Variants in PTPRD observed in about 807,000 individuals in gnomAD.
PTPRD encodes protein tyrosine phosphatase receptor type D.
Under a neutral mutation model 214.5 loss-of-function variants are expected in PTPRD, and 34 were observed. The observed-to-expected ratio is 0.16, with a 90% CI of 0.12 to 0.21. The LOEUF (loss-of-function observed/expected upper bound fraction) is 0.21. Among genes scored for constraint, PTPRD ranks in the 10% least tolerant of loss-of-function variants. PTPRD has a pLI of 1.00. For synonymous variants in PTPRD, 1,128 were observed against 845.7 expected, an observed-to-expected ratio of 1.33 and a Z score of -5.79; for missense variants, 2,545 against 2,398.7, an observed-to-expected ratio of 1.06 and a Z score of -1.27.
intron 9 of PTPRD, among the ~76,000 whole-genome samples, chr9:9,333,460 A>T (rs1224576004): frequency 1.4e-5 from 2 of 144,490 alleles, no homozygotes; most frequent in Non-Finnish European, 3.0e-5. Flanking sequence ...ACTTGGAAAC[A>T]ATGATATATA....
At chr9:9,976,413 G>A (rs2095353028) in intron 4 of PTPRD, among the ~76,000 whole-genome samples, 1 of 151,528 alleles carries the variant, frequency 6.6e-6, no homozygotes, top group Admixed American at 6.6e-5. Context: ...TTGAGACAGA[G>A]TCTTGCTCTG....
intron 10 of PTPRD, among the ~76,000 whole-genome samples, chr9:9,136,384 TA>T: frequency 6.6e-6 from 1 of 152,268 alleles, no homozygotes; most frequent in East Asian, 1.9e-4. Context: ...TGTTAATTTT[TA>T]AAAGCTGTAG....
chr9:10,572,839 C>T (rs1416121358), intron 2 of PTPRD, among the ~76,000 whole-genome samples: 1 of 152,002 alleles, frequency 6.6e-6, no homozygotes, highest in Non-Finnish European at 1.5e-5. Context: ...AAACAGTGTC[C>T]ATCCACAGAG....
chr9:8,618,628 A>G (rs1468049600), intron 14 of PTPRD, among the ~76,000 whole-genome samples: 1 of 152,112 alleles, frequency 6.6e-6, no homozygotes, highest in Non-Finnish European at 1.5e-5. Context: ...CATATCTGAA[A>G]TGACTTGCCC....
intron 11 of PTPRD, among the ~76,000 whole-genome samples, chr9:8,885,488 CT>C (rs35568734): frequency 0.27 from 24,937 of 93,446 alleles, 2,391 homozygotes; most frequent in Middle Eastern, 0.34. Flanking sequence ...CACACAGCCT[CT>C]TTTTTTTTTT....
chr9:9,696,788 G>T (rs887951883), intron 7 of PTPRD, among the ~76,000 whole-genome samples: 2 of 151,978 alleles, frequency 1.3e-5, no homozygotes, highest in Admixed American at 1.3e-4. Flanking sequence ...GAATAATTTA[G>T]TCTATTTAAA....
At chr9:10,423,313 A>T (rs954306286) in intron 2 of PTPRD, among the ~76,000 whole-genome samples, 1 of 150,984 alleles carries the variant, frequency 6.6e-6, no homozygotes, top group Non-Finnish European at 1.5e-5. Context: ...CATGGGGTGG[A>T]GGGCAGGGAG....
At chr9:9,086,430 A>T (rs77742754) in intron 10 of PTPRD, among the ~76,000 whole-genome samples, 1 of 152,152 alleles carries the variant, frequency 6.6e-6, no homozygotes, top group Non-Finnish European at 1.5e-5. Context: ...GAAGGCTAGG[A>T]GCCTAAAGAC....
At position 8,486,222 on chromosome 9, in the gene PTPRD, C is replaced by T. The variant is rs2135964617; in HGVS notation, c.2595G>A (p.Met865Ile). ...GYRLKFGRKD[M>I]EPLTTLEFSE... The stretch of plus-strand genomic sequence containing the variant: ...AGAACTCAAGAGTAGTAAGTGGCTC[C>T]ATATCCTTGCGGCCAAATTTTAGAC... Residue 865 changes from methionine to isoleucine, a missense_variant, in exon 28 of 46, where the codon ATG becomes ATA. Physicochemically the swap from Met to Ile is conservative, Grantham distance 10. Coordinates refer to ENST00000381196, the MANE Select transcript of PTPRD (RefSeq NM_002839.4). 6.2e-7 allele frequency: 1 copy of T among 1,614,188 alleles called. No individual in the cohort carries two copies. Among genetic ancestry groups the T allele is most frequent in the South Asian group, 1.1e-5 (1 of 91,086 alleles).
intron 14 of PTPRD, among the ~76,000 whole-genome samples, chr9:8,585,195 G>C (rs2093541763): frequency 6.6e-6 from 1 of 152,146 alleles, no homozygotes. Flanking sequence ...AATTCAGTTA[G>C]TCAACTCTAC....
At chr9:9,477,550 T>C (rs995638992) in intron 8 of PTPRD, among the ~76,000 whole-genome samples, 1 of 152,206 alleles carries the variant, frequency 6.6e-6, no homozygotes, top group African/African-American at 2.4e-5. Flanking sequence ...ACTATCCATA[T>C]CACTGATATG....
intron 2 of PTPRD, among the ~76,000 whole-genome samples, chr9:10,562,319 T>C (rs1309216714): frequency 1.3e-5 from 2 of 149,230 alleles, no homozygotes; most frequent in Non-Finnish European, 3.0e-5. Flanking sequence ...TGTAATGAAA[T>C]GTTCGTTAAC....
At chr9:9,584,380 T>TATTATTATTATTATC (rs1214049296) in intron 7 of PTPRD, among the ~76,000 whole-genome samples, 11 of 151,374 alleles carry the variant, frequency 7.3e-5, no homozygotes, top group African/African-American at 2.7e-4. Context: ...TTATTATTAT[T>TATTATTATTATTATC]TGCTATGCTA....
At chr9:10,079,080 G>T (rs947305376) in intron 3 of PTPRD, among the ~76,000 whole-genome samples, 2 of 151,772 alleles carry the variant, frequency 1.3e-5, no homozygotes, top group African/African-American at 4.8e-5. Context: ...GGGTGTACCT[G>T]TATTTTAAAA....
intron 3 of PTPRD, among the ~76,000 whole-genome samples, chr9:10,181,317 G>A (rs1468818078): frequency 6.6e-6 from 1 of 152,006 alleles, no homozygotes; most frequent in African/African-American, 2.4e-5. Flanking sequence ...CATAATAAAG[G>A]CTACGACTAG....
At chr9:8,764,007 G>C (rs1005657277) in intron 11 of PTPRD, among the ~76,000 whole-genome samples, 2 of 151,976 alleles carry the variant, frequency 1.3e-5, no homozygotes, top group African/African-American at 4.8e-5. Flanking sequence ...AATTATTGAG[G>C]GATTGTTTCT....
At chr9:9,469,018 G>A (rs1569568610) in intron 8 of PTPRD, among the ~76,000 whole-genome samples, 2 of 152,024 alleles carry the variant, frequency 1.3e-5, no homozygotes, top group African/African-American at 2.4e-5. Flanking sequence ...TAGCATCATA[G>A]CTTTAGATGA....
intron 2 of PTPRD, among the ~76,000 whole-genome samples, chr9:10,365,507 T>C (rs556249463): frequency 6.6e-6 from 1 of 152,234 alleles, no homozygotes; most frequent in Non-Finnish European, 1.5e-5. Context: ...AAGATGATTC[T>C]TTATACTTGA....
chr9:9,032,624 A>T (rs1386584310), intron 10 of PTPRD, among the ~76,000 whole-genome samples: 2 of 152,018 alleles, frequency 1.3e-5, no homozygotes, highest in Admixed American at 6.6e-5. Flanking sequence ...GCTAGAAAAA[A>T]AAAATATGAT....
Sources: gnomAD v4.1 joint callset for allele counts (sites outside exome capture counted in the v4.1 genomes callset) on GRCh38, gnomAD v4.1.1 for gene constraint, MANE v1.5 for transcripts, NCBI Gene and HGNC (gene_info 2026-07-23, HGNC 2026-07-21) for gene names.